RASA3: variants seen among roughly 807,000 people sequenced by gnomAD.
RASA3 encodes the protein ras GTPase-activating protein 3.
RASA3 carries 73 observed loss-of-function variants against 110.0 expected under a neutral mutation model. That is an observed-to-expected ratio of 0.66 (90% CI 0.55 to 0.81). RASA3 has a LOEUF of 0.81. RASA3 is among the 30% of genes least tolerant of loss of function. RASA3 has a pLI of 0.00. For synonymous variants in RASA3, 500 were observed against 451.4 expected (o/e 1.11, Z -1.37); for missense variants, 976 against 1,113.2 (o/e 0.88, Z 1.75).
intron 4 of RASA3, among the ~76,000 whole-genome samples, chr13:114,038,938 C>T (rs2054335432): frequency 6.6e-6 from 1 of 152,190 alleles, no homozygotes; most frequent in Non-Finnish European, 1.5e-5. Flanking sequence ...GGGGATTTGT[C>T]CAGGATGCCA....
Position 114,096,322 on chromosome 13 carries a change from A to AG in RASA3, c.56-22486dup, listed in dbSNP as rs1818599068. Among the ~76,000 whole-genome samples the AG allele has an allele frequency of 6.6e-6, 1 of 152,174 alleles. No individual in the cohort carries two copies. The highest frequency in any genetic ancestry group is 1.5e-5 in the Non-Finnish European group (1 of 68,016). On this transcript the variant is annotated intron_variant, in intron 1 of 23. Transcript: ENST00000334062. This position sits in a 1 kb window ranked among gnomAD's most constrained non-coding sequence, Gnocchi z 5.1. ...CTGCTCACCGACCCATGCCTCCTCT[A>AG]GCAAATCGCCTCTCTCACAGTCACC...
chr13:114,018,109 C>A lies in RASA3; in HGVS notation c.1086G>T (p.Arg362=), dbSNP rs1334019903. The change falls in exon 11 of 24, where the codon CGG becomes CGT. Residue 362 remains arginine (R), a synonymous_variant. Coordinates refer to ENST00000334062, the MANE Select transcript of RASA3 (RefSeq NM_007368.4). ...GGGGCAGGGTGGGCACTCACTGGGTCCGCTTCACCTCCGCGCTGGCGATGG... is the reference window on the plus strand; with the variant it reads ...GGGGCAGGGTGGGCACTCACTGGGTACGCTTCACCTCCGCGCTGGCGATGG... ...ISAIASAEVK[R]TQDPNTIFRG... 2 of 1,539,492 alleles carry A rather than the reference C, an allele frequency of 1.3e-6. No homozygotes were observed.
chr13:114,022,965 C>A (rs746195121), intron 8 of RASA3, among the ~76,000 whole-genome samples: 8 of 152,186 alleles, frequency 5.3e-5, no homozygotes, highest in Non-Finnish European at 1.0e-4. Context: ...TGACTGACCA[C>A]GTCAGGGACA....
intron 2 of RASA3, among the ~76,000 whole-genome samples, chr13:114,071,998 C>T (rs753705315): frequency 1.6e-4 from 25 of 152,178 alleles, no homozygotes; most frequent in South Asian, 6.2e-4. Context: ...GTCACAGCTG[C>T]AAGGATGTCT....
At chr13:114,060,267 T>G (rs1281054837) in intron 2 of RASA3, among the ~76,000 whole-genome samples, 1 of 152,136 alleles carries the variant, frequency 6.6e-6, no homozygotes, top group Admixed American at 6.5e-5. Flanking sequence ...GGTCACGTGG[T>G]GCAGAGCAGA....
At chr13:114,076,445 G>A (rs9590550) in intron 1 of RASA3, among the ~76,000 whole-genome samples, 44,783 of 151,752 alleles carry the variant, frequency 0.3, 6,718 homozygotes, top group African/African-American at 0.34. Context: ...TCCCATGTCA[G>A]AAGACAGGCT....
rs376804496 is a variant in RASA3 at position 114,021,486 on chromosome 13, T to C, written c.703A>G (p.Asn235Asp). ...EIRVDLWNAS[N>D]LKFGDEFLGE... ...AGGAATTCATCTCCAAACTTCAGGT[T>C]ACTGGCATTCCAGAGGTCAACTCTG... The change falls in exon 9 of 24, where the codon AAC (asparagine) becomes GAC (aspartate). Residue 235 changes from asparagine to aspartate, a missense_variant. Around this residue, in one of 4 missense-constraint regions of RASA3, gnomAD observed 732 missense variants for 779.7 expected, o/e 0.94. Coordinates refer to ENST00000334062, the MANE Select transcript of RASA3 (RefSeq NM_007368.4). 6.2e-7 allele frequency: 1 copy of C among 1,613,952 alleles called. No individual in the cohort carries two copies. The highest frequency in any genetic ancestry group is 8.5e-7 in the Non-Finnish European group (1 of 1,180,002).
Position 113,980,468 on chromosome 13 carries a change from T to C in RASA3, c.2430-1046A>G, listed in dbSNP as rs143950240. ...TGCCATGTGTGTGCACCTCCACCCATGTGTGTGCACCTCCTGCCATGTGTG... is the reference window on the plus strand; with the variant it reads ...TGCCATGTGTGTGCACCTCCACCCACGTGTGTGCACCTCCTGCCATGTGTG... On this transcript the variant is annotated intron_variant, in intron 23 of 23. Transcript: ENST00000334062. Among the ~76,000 whole-genome samples, 217 of 99,850 alleles carry C rather than the reference T, an allele frequency of 2.2e-3. 4 individuals are homozygous for C. In the South Asian group the frequency reaches 0.059, roughly 27 times the overall value. 65.5% of individuals were successfully genotyped at this position (99,850 alleles called of 152,430 possible). A position where few individuals can be genotyped will look rare whatever the true frequency, so the allele number is the denominator to read the frequency against.
intron 1 of RASA3, among the ~76,000 whole-genome samples, chr13:114,078,404 T>C (rs2079728139): frequency 6.6e-6 from 1 of 152,006 alleles, no homozygotes; most frequent in Non-Finnish European, 1.5e-5. Context: ...TAATTATCTG[T>C]TGCATGCATG....
chr13:114,028,231 G>GCA (rs2054066505), intron 5 of RASA3, among the ~76,000 whole-genome samples: 1 of 125,404 alleles, frequency 8.0e-6, no homozygotes, highest in African/African-American at 2.7e-5. Flanking sequence ...CCCTAAAACA[G>GCA]TGTCATCCTG....
At position 114,114,388 on chromosome 13, in the gene RASA3, C is replaced by T. The variant is rs1269004746; in HGVS notation, c.55+18047G>A. On this transcript the variant is annotated intron_variant, in intron 1 of 23. Transcript: ENST00000334062. The surrounding 1 kb of genome is among the most constrained non-coding windows in gnomAD (Gnocchi z 4.8). The stretch of plus-strand genomic sequence containing the variant: ...GAAACATTCTCTGGGATATCTTGAC[C>T]TGGCACGCAGAGGGGTGAAGGAACG... Among the ~76,000 whole-genome samples, 1 of 152,190 alleles carries T rather than the reference C, an allele frequency of 6.6e-6. No homozygotes were observed. Among genetic ancestry groups the T allele is most frequent in the African/African-American group, 2.4e-5 (1 of 41,446 alleles).
intron 4 of RASA3, among the ~76,000 whole-genome samples, chr13:114,039,813 C>T (rs535951639): frequency 2.7e-4 from 41 of 152,310 alleles, no homozygotes; most frequent in Non-Finnish European, 3.8e-4. Context: ...CCCGGTCTTG[C>T]GTGGGGAGGT....
At position 114,017,778 on chromosome 13, in the gene RASA3, G is replaced by A. The variant is rs537718821; in HGVS notation, c.1091+326C>T. Among the ~76,000 whole-genome samples the A allele has an allele frequency of 1.4e-4, 22 of 152,356 alleles. 1 individual carries two copies. The South Asian group carries it at 3.9e-3, about 27-fold the overall frequency. The stretch of plus-strand genomic sequence containing the variant: ...AACAGGGCGTCCGGAAACAGCACTA[G>A]GCAGGTCCTGAGGGAAGCTGTGCTC... On this transcript the variant is annotated intron_variant, in intron 11 of 23. Coordinates refer to ENST00000334062, the MANE Select transcript of RASA3 (RefSeq NM_007368.4).
chr13:114,016,357 G>A lies in RASA3; in HGVS notation c.1207-86C>T, dbSNP rs1005388318. The stretch of plus-strand genomic sequence containing the variant: ...TGGAAGGGGTCTCAGGCCTGGCTGA[G>A]ATGTAGACCCTGAGCCTCATCCAGA... On this transcript the variant is annotated intron_variant, in intron 12 of 23. Coordinates refer to ENST00000334062, the MANE Select transcript of RASA3 (RefSeq NM_007368.4). The A allele has an allele frequency of 8.8e-6, 9 of 1,018,784 alleles. No individual in the cohort carries two copies. In the African/African-American group the frequency reaches 1.3e-4, roughly 14 times the overall value. The allele number at this position is 1,018,784 out of a possible 1,614,324, so 63.1% of individuals were successfully genotyped here.
At chr13:114,041,168 C>G in intron 3 of RASA3, 74 bp from the exon 4 acceptor site, 1 of 1,208,872 alleles carries the variant, frequency 8.3e-7, no homozygotes, top group Non-Finnish European at 1.2e-6. Flanking sequence ...CAGAAGCCAG[C>G]CCATCATCAC....
Position 114,014,548 on chromosome 13 carries a change from C to A in RASA3, c.1405+661G>T, listed in dbSNP as rs553844196. Among the ~76,000 whole-genome samples, 1 of 152,178 alleles carries A rather than the reference C, an allele frequency of 6.6e-6. No homozygotes were observed. The highest frequency in any genetic ancestry group is 2.4e-5 in the African/African-American group (1 of 41,448). ...GCAAGGCCCTCGCTGAGCCTCTCAG[C>A]GCCCCATACATAGCCTGAGTCCTGG... On this transcript the variant is annotated intron_variant, in intron 14 of 23. Transcript: ENST00000334062. The surrounding 1 kb of genome is among the most constrained non-coding windows in gnomAD (Gnocchi z 4.5).
chr13:114,038,423 A>G (rs890100780), intron 4 of RASA3, among the ~76,000 whole-genome samples: 1 of 152,260 alleles, frequency 6.6e-6, no homozygotes, highest in Non-Finnish European at 1.5e-5. Context: ...TTCACTTTCC[A>G]CAGCACGTGT....
chr13:114,111,625 C>G (rs12876363), intron 1 of RASA3, among the ~76,000 whole-genome samples: 1 of 148,764 alleles, frequency 6.7e-6, no homozygotes, highest in Non-Finnish European at 1.5e-5. Context: ...CGAGTTCTAA[C>G]GGGCTGAGCC....
intron 2 of RASA3, among the ~76,000 whole-genome samples, chr13:114,071,332 C>A (rs1257713133): frequency 6.6e-6 from 1 of 152,182 alleles, no homozygotes. Flanking sequence ...TGAAAGACAA[C>A]AGGCCCCCAT....
Sources: allele counts gnomAD v4.1 joint callset (sites outside exome capture counted in the v4.1 genomes callset), GRCh38; gene constraint gnomAD v4.1.1; regional missense constraint gnomAD v4.1.1; non-coding constraint Gnocchi (gnomAD v3.1); transcripts MANE v1.5; gene names NCBI Gene and HGNC (gene_info 2026-07-23, HGNC 2026-07-21).